Variants in MGAT4C observed in about 807,000 individuals in gnomAD.
MGAT4C encodes alpha-1,3-mannosyl-glycoprotein 4-beta-N-acetylglucosaminyltransferase C.
Under a neutral mutation model 40.1 loss-of-function variants are expected in MGAT4C, and 19 were observed. The observed-to-expected ratio is 0.47, with a 90% CI of 0.33 to 0.70. MGAT4C has a LOEUF of 0.70. MGAT4C is among the 30% of genes least tolerant of loss of function. The probability of loss-of-function intolerance (pLI) is 0.02; values close to 1 mark genes in which losing one functional copy is unlikely to be tolerated. For synonymous variants in MGAT4C, 181 were observed against 187.1 expected, an observed-to-expected ratio of 0.97 and a Z score of 0.27; for missense variants, 491 against 563.2, an observed-to-expected ratio of 0.87 and a Z score of 1.30.
At chr12:86,248,993 G>A (rs1952156889) in intron 1 of MGAT4C, among the ~76,000 whole-genome samples, 1 of 151,950 alleles carries the variant, frequency 6.6e-6, no homozygotes, top group African/African-American at 2.4e-5. Context: ...AGAAAAGAAT[G>A]ACACAATGCT....
rs758390571 is a variant in MGAT4C, at chr12:86,765,115, T to TA, written c.-261-37875dup. Among the ~76,000 whole-genome samples, 7 of 151,618 alleles carry TA rather than the reference T, an allele frequency of 4.6e-5. No individual in the cohort carries two copies. In the South Asian group the frequency reaches 8.3e-4, roughly 18 times the overall value. ...CCAAAGGCAAAGAAGTTAAAAACTTTAAAAAAAAATTAGACGAATGTATAA... is the reference window on the plus strand; with the variant it reads ...CCAAAGGCAAAGAAGTTAAAAACTTTAAAAAAAAAATTAGACGAATGTATAA... On this transcript the variant is annotated intron_variant, in intron 1 of 7. Coordinates refer to the MGAT4C transcript ENST00000548651.
chr12:86,563,725 T>A (rs567146450), intron 2 of MGAT4C, among the ~76,000 whole-genome samples: 1 of 152,316 alleles, frequency 6.6e-6, no homozygotes, highest in Non-Finnish European at 1.5e-5. Flanking sequence ...ACACTGGCTC[T>A]AAGTTATTGA....
chr12:86,510,667 C>CA lies in MGAT4C; in HGVS notation c.-228-75403dup, dbSNP rs1227339644. Reference sequence around the variant, plus strand: ...GAAGATCTACCAAGCAAATGGAAAACAAAAAAAGGCAGGGGTTGCAATCCT... The same window carrying CA: ...GAAGATCTACCAAGCAAATGGAAAACAAAAAAAAGGCAGGGGTTGCAATCCT... On this transcript the variant is annotated intron_variant, in intron 2 of 7. Coordinates refer to the MGAT4C transcript ENST00000548651. Among the ~76,000 whole-genome samples the CA allele has an allele frequency of 2.6e-5, 4 of 151,338 alleles. No homozygotes were observed. The East Asian group carries it at 5.8e-4, about 22-fold the overall frequency.
intron 1 of MGAT4C, among the ~76,000 whole-genome samples, chr12:86,233,228 A>T (rs563683889): frequency 6.6e-6 from 1 of 152,350 alleles, no homozygotes; most frequent in Admixed American, 6.5e-5. Context: ...AGTTTTCTTC[A>T]TAAGCAGCTT....
chr12:86,458,632 T>C (rs1957547057), intron 2 of MGAT4C, among the ~76,000 whole-genome samples: 2 of 152,306 alleles, frequency 1.3e-5, no homozygotes, highest in South Asian at 4.1e-4. Flanking sequence ...ATTAAGAGAA[T>C]GAAGAAGAAA....
At chr12:86,554,573 T>C (rs1959520593) in intron 2 of MGAT4C, among the ~76,000 whole-genome samples, 2 of 152,202 alleles carry the variant, frequency 1.3e-5, no homozygotes, top group Admixed American at 1.3e-4. Context: ...GGTGCTCCTA[T>C]TTTGTCTTCA....
At chr12:86,658,127 A>T (rs968305410) in intron 2 of MGAT4C, among the ~76,000 whole-genome samples, 1 of 152,046 alleles carries the variant, frequency 6.6e-6, no homozygotes, top group African/African-American at 2.4e-5. Context: ...AGATAGATAT[A>T]GTTAACTTTT....
At chr12:86,198,745 T>C (rs958500974) in intron 1 of MGAT4C, among the ~76,000 whole-genome samples, 1 of 152,226 alleles carries the variant, frequency 6.6e-6, no homozygotes, top group African/African-American at 2.4e-5. Flanking sequence ...TAATTCCATC[T>C]CTTTTTTTCC....
At chr12:86,061,852 G>GA (rs1357025088) in intron 1 of MGAT4C, among the ~76,000 whole-genome samples, 8 of 152,018 alleles carry the variant, frequency 5.3e-5, no homozygotes, top group Non-Finnish European at 8.8e-5. Flanking sequence ...GGGCATCTCT[G>GA]AAAAAAAGGC....
intron 2 of MGAT4C, among the ~76,000 whole-genome samples, chr12:86,709,838 G>A (rs552873106): frequency 6.6e-6 from 1 of 152,128 alleles, no homozygotes; most frequent in South Asian, 2.1e-4. Flanking sequence ...GATTTTCAGG[G>A]AAAAAATTTA....
rs150148215 is a variant in MGAT4C at position 86,568,842 on chromosome 12, C to T, written c.-228-133577G>A. Among the ~76,000 whole-genome samples the T allele has an allele frequency of 2.6e-5, 4 of 151,924 alleles. No homozygotes were observed. The East Asian group carries it at 7.8e-4, about 29-fold the overall frequency. ...TTCATTGGGAGAAAGATGCCCTTTT[C>T]AATAAACTGTGCTGGGAAAACGGGA... On this transcript the variant is annotated intron_variant, in intron 2 of 7. Transcript: ENST00000548651.
At chr12:86,325,258 G>A (rs999366022) in intron 4 of MGAT4C, among the ~76,000 whole-genome samples, 2 of 152,074 alleles carry the variant, frequency 1.3e-5, no homozygotes, top group African/African-American at 4.8e-5. Context: ...TGTCCTCCAT[G>A]TAAACATGTA....
chr12:86,346,326 G>C (rs1955031449), intron 3 of MGAT4C, among the ~76,000 whole-genome samples: 1 of 152,154 alleles, frequency 6.6e-6, no homozygotes, highest in South Asian at 2.1e-4. Flanking sequence ...TCAGGGTCAA[G>C]TGGTTTTTCT....
chr12:86,089,914 TA>T (rs1162493936), intron 1 of MGAT4C, among the ~76,000 whole-genome samples: 1 of 151,792 alleles, frequency 6.6e-6, no homozygotes, highest in African/African-American at 2.4e-5. Context: ...TCCCATATTT[TA>T]AAATGCACTA....
At chr12:86,170,920 GAAGA>G (rs972617976) in intron 1 of MGAT4C, among the ~76,000 whole-genome samples, 1 of 151,948 alleles carries the variant, frequency 6.6e-6, no homozygotes, top group African/African-American at 2.4e-5. Flanking sequence ...AAAAGAAAGA[GAAGA>G]AAGAAAAAGG....
At chr12:86,413,443 A>G (rs1371652088) in intron 3 of MGAT4C, among the ~76,000 whole-genome samples, 1 of 152,206 alleles carries the variant, frequency 6.6e-6, no homozygotes, top group Non-Finnish European at 1.5e-5. Flanking sequence ...AGCTAGAATC[A>G]TAAGTTTGCC....
chr12:86,488,165 G>A (rs1279462538), intron 2 of MGAT4C, among the ~76,000 whole-genome samples: 1 of 151,678 alleles, frequency 6.6e-6, no homozygotes, highest in African/African-American at 2.4e-5. Flanking sequence ...TGAGAGGATA[G>A]TGTGGACCTA....
intron 1 of MGAT4C, among the ~76,000 whole-genome samples, chr12:86,078,496 G>T (rs530387831): frequency 6.6e-6 from 1 of 152,336 alleles, no homozygotes; most frequent in South Asian, 2.1e-4. Flanking sequence ...TGGAATAAGT[G>T]TTTATTCCAA....
intron 1 of MGAT4C, among the ~76,000 whole-genome samples, chr12:86,748,870 CA>C (rs1215951424): frequency 2.0e-5 from 3 of 149,660 alleles, no homozygotes; most frequent in Non-Finnish European, 4.5e-5. Flanking sequence ...TAGGTGTTCA[CA>C]ATAGTTATTA....
Sources: allele counts gnomAD v4.1 joint callset (sites outside exome capture counted in the v4.1 genomes callset), GRCh38; gene constraint gnomAD v4.1.1; transcripts MANE v1.5; gene names NCBI Gene and HGNC (gene_info 2026-07-23, HGNC 2026-07-21).